The following C4orf51 variants were observed in gnomAD, a reference collection of about 807,000 sequenced individuals.
C4orf51 encodes the protein chromosome 4 open reading frame 51.
In C4orf51, 25 loss-of-function variants were observed where a neutral mutation model predicts 25.2. The observed-to-expected ratio is 0.99, with a 90% CI of 0.72 to 1.39. C4orf51 has a LOEUF of 1.39. C4orf51 is among the 40% of genes most tolerant of loss of function. The pLI is 0.00. For missense variants in C4orf51, 252 were observed against 239.6 expected (o/e 1.05, Z -0.34); for synonymous variants, 100 against 84.5 (o/e 1.18, Z -1.01).
At chr4:145,738,418 C>A (rs1264699438) in intron 1 of C4orf51, among the ~76,000 whole-genome samples, 1 of 150,908 alleles carries the variant, frequency 6.6e-6, no homozygotes, top group Non-Finnish European at 1.5e-5. Context: ...CCACTGCACT[C>A]CAGCCTGGGC....
chr4:145,721,814 C>A (rs1438154509), intron 2 of C4orf51, among the ~76,000 whole-genome samples: 3 of 152,104 alleles, frequency 2.0e-5, no homozygotes, highest in Non-Finnish European at 1.5e-5. Context: ...ATGGTGGACA[C>A]CATAGTGATT....
chr4:145,756,195 C>T (rs1391831576), downstream of C4orf51, among the ~76,000 whole-genome samples: 2 of 152,216 alleles, frequency 1.3e-5, no homozygotes, highest in African/African-American at 4.8e-5. Context: ...TCTCCTTGCT[C>T]TCCTGTGACC....
At chr4:145,731,460 A>G (rs1732456432) in intron 5 of C4orf51, among the ~76,000 whole-genome samples, 1 of 151,972 alleles carries the variant, frequency 6.6e-6, no homozygotes, top group Non-Finnish European at 1.5e-5. Flanking sequence ...GTGCACACAC[A>G]CACACCACAC....
chr4:145,684,596 G>A lies in C4orf51; in HGVS notation c.233+4160G>A, dbSNP rs111284270. On this transcript the variant is annotated intron_variant, in intron 1 of 5. Coordinates refer to ENST00000438731, the MANE Select transcript of C4orf51 (RefSeq NM_001080531.3). ...AGGTGAACCCCTAAGGTAAACTATG[G>A]GCTTGGGCTGATAATTGATGTGTCT... 3.2e-3 allele frequency among the ~76,000 whole-genome samples: 486 copies of A among 152,286 alleles called. 3 individuals carry two copies. Among genetic ancestry groups the A allele is most frequent in the African/African-American group, 0.011 (453 of 41,558 alleles).
At chr4:145,734,711 G>T (rs1333649713), downstream of C4orf51, among the ~76,000 whole-genome samples, 1 of 152,178 alleles carries the variant, frequency 6.6e-6, no homozygotes, top group Non-Finnish European at 1.5e-5. Flanking sequence ...AACGCCTGAG[G>T]AATGTGCTGA....
downstream of C4orf51, chr4:145,775,971 AG>A: frequency 6.2e-7 from 1 of 1,614,168 alleles, no homozygotes; most frequent in Non-Finnish European, 8.5e-7. Context: ...CTGGGGGAGA[AG>A]GAACAGGAAA....
At chr4:145,768,133 C>T (rs769047190) in intron 1 of C4orf51, among the ~76,000 whole-genome samples, 4 of 152,132 alleles carry the variant, frequency 2.6e-5, no homozygotes, top group Non-Finnish European at 5.9e-5. Flanking sequence ...GTGGTTTAAT[C>T]AATCATTTGA....
chr4:145,774,788 T>A, downstream of C4orf51: 1 of 1,181,504 alleles, frequency 8.5e-7, no homozygotes, highest in South Asian at 1.6e-5. Flanking sequence ...GAAACACATT[T>A]GTCTCTCCAC....
rs780612752 is a variant in C4orf51 at position 145,761,335 on chromosome 4, C to T, written n.167-9653C>T. 3 of 1,289,990 alleles carry T rather than the reference C, an allele frequency of 2.3e-6. 1 individual carries two copies. In the South Asian group the frequency reaches 3.7e-5, roughly 16 times the overall value. The allele number at this position is 1,289,990 out of a possible 1,614,324, so 79.9% of individuals were successfully genotyped here. ...ATTGTCCTTGCGCTTGCAGCTGTAG[C>T]TGCACTGGTCACAGTGGAAGGGCCG... On this transcript the variant is annotated intron_variant and non_coding_transcript_variant, in intron 1 of 1. Transcript: ENST00000510096. The surrounding 1 kb of genome is among the most constrained non-coding windows in gnomAD (Gnocchi z 6.8).
At chr4:145,683,686 C>T (rs1358912209) in intron 1 of C4orf51, among the ~76,000 whole-genome samples, 3 of 152,178 alleles carry the variant, frequency 2.0e-5, no homozygotes, top group Non-Finnish European at 2.9e-5. Context: ...AACAACTAGA[C>T]ATCCACATGC....
intron 2 of C4orf51, among the ~76,000 whole-genome samples, chr4:145,701,358 C>A (rs1435585055): frequency 2.0e-5 from 3 of 152,170 alleles, no homozygotes; most frequent in Non-Finnish European, 2.9e-5. Flanking sequence ...ACCTCCTCCC[C>A]CAGGAGCTTG....
At chr4:145,755,060 T>A (rs1733863931), downstream of C4orf51, among the ~76,000 whole-genome samples, 2 of 152,200 alleles carry the variant, frequency 1.3e-5, no homozygotes, top group Non-Finnish European at 2.9e-5. Context: ...GAGGTGCCAT[T>A]TTTGCTGTAA....
downstream of C4orf51, among the ~76,000 whole-genome samples, chr4:145,757,098 T>TTC (rs540667367): frequency 2.0e-4 from 30 of 151,796 alleles, no homozygotes; most frequent in Middle Eastern, 3.4e-3. Flanking sequence ...TTTCATTTCT[T>TTC]TCTCTCTCTG....
chr4:145,684,972 C>T (rs1016920727), intron 1 of C4orf51, among the ~76,000 whole-genome samples: 1 of 151,676 alleles, frequency 6.6e-6, no homozygotes, highest in Non-Finnish European at 1.5e-5. Flanking sequence ...ACTGAAAGAG[C>T]CAAAAGGAGA....
chr4:145,740,082 G>A (rs1013890363), intron 1 of C4orf51, among the ~76,000 whole-genome samples: 2 of 152,112 alleles, frequency 1.3e-5, no homozygotes, highest in African/African-American at 4.8e-5. Context: ...AACCGTTCAC[G>A]TGGATCTTCA....
chr4:145,746,103 A>T (rs1018415300), intron 1 of C4orf51, among the ~76,000 whole-genome samples: 5 of 152,282 alleles, frequency 3.3e-5, no homozygotes, highest in Middle Eastern at 6.8e-3. Flanking sequence ...TGAACTCCTT[A>T]TATATTCTGA....
chr4:145,721,364 A>T (rs1323786195), intron 2 of C4orf51, among the ~76,000 whole-genome samples: 4 of 143,522 alleles, frequency 2.8e-5, no homozygotes, highest in African/African-American at 1.1e-4. Context: ...AAAAAAAAAG[A>T]TCACACTGGC....
At chr4:145,744,220 A>T (rs1341219490) in intron 1 of C4orf51, among the ~76,000 whole-genome samples, 1 of 152,106 alleles carries the variant, frequency 6.6e-6, no homozygotes, top group East Asian at 1.9e-4. Context: ...ATGGTTGGTA[A>T]GGTAGGCTGG....
At chr4:145,786,428 A>T in the C4orf51 span, among the ~76,000 whole-genome samples, 13 of 152,220 alleles carry the variant, frequency 8.5e-5, no homozygotes, top group African/African-American at 3.1e-4. Context: ...CAGATCAACT[A>T]AATCTCATTA....
Sources: gnomAD v4.1 joint callset for allele counts (sites outside exome capture counted in the v4.1 genomes callset) on GRCh38, gnomAD v4.1.1 for gene constraint, Gnocchi (gnomAD v3.1) non-coding constraint, MANE v1.5 for transcripts, NCBI Gene and HGNC (gene_info 2026-07-23, HGNC 2026-07-21) for gene names.